The following DOCK8 variants were observed in gnomAD, a reference collection of about 807,000 sequenced individuals.
DOCK8 encodes dedicator of cytokinesis protein 8.
DOCK8 carries 141 observed loss-of-function variants against 245.6 expected under a neutral mutation model. That is an observed-to-expected ratio of 0.57 (90% confidence interval 0.50 to 0.66). The LOEUF (loss-of-function observed/expected upper bound fraction) is 0.66, where lower values mean the gene tolerates loss of function less well. Among genes scored for constraint, DOCK8 ranks in the 30% least tolerant of loss-of-function variants. The pLI, the probability that DOCK8 is intolerant of heterozygous loss-of-function variation, is 0.00. For missense variants in DOCK8, 2,965 were observed against 2,603.4 expected (o/e 1.14, Z -3.02); for synonymous variants, 1,168 against 970.2 (o/e 1.20, Z -3.79).
At chr9:346,193 G>A (rs568381200) in intron 14 of DOCK8, among the ~76,000 whole-genome samples, 83 of 152,194 alleles carry the variant, frequency 5.5e-4, no homozygotes, top group Middle Eastern at 3.4e-3. Context: ...AGGATTATCC[G>A]AATCCAAGCT....
At chr9:299,678 G>C (rs897763872) in intron 4 of DOCK8, among the ~76,000 whole-genome samples, 1 of 151,614 alleles carries the variant, frequency 6.6e-6, no homozygotes, top group Non-Finnish European at 1.5e-5. Flanking sequence ...CCCAGCCCTA[G>C]CAATATAGGT....
intron 1 of DOCK8, among the ~76,000 whole-genome samples, chr9:218,244 T>A (rs1052270987): frequency 1.4e-4 from 22 of 152,164 alleles, no homozygotes; most frequent in Admixed American, 1.4e-3. Flanking sequence ...GTGTAAACTA[T>A]CTCTTAAAAA....
intron 20 of DOCK8, among the ~76,000 whole-genome samples, chr9:377,414 G>C (rs545634837): frequency 2.1e-4 from 32 of 152,136 alleles, no homozygotes; most frequent in South Asian, 4.2e-4. Flanking sequence ...ATTAAAATAG[G>C]GTTCTTAATA....
At chr9:326,190 G>C (rs181476893) in intron 8 of DOCK8, among the ~76,000 whole-genome samples, 1 of 152,322 alleles carries the variant, frequency 6.6e-6, no homozygotes, top group Admixed American at 6.5e-5. Context: ...AATGAAAACA[G>C]TGACCAAGAC....
At chr9:259,317 T>A (rs1242994490) in intron 1 of DOCK8, among the ~76,000 whole-genome samples, 1 of 152,090 alleles carries the variant, frequency 6.6e-6, no homozygotes, top group African/African-American at 2.4e-5. Context: ...AGAAAAAAAA[T>A]TCTATTTTCC....
intron 1 of DOCK8, among the ~76,000 whole-genome samples, chr9:253,653 G>A (rs1056097797): frequency 4.6e-5 from 7 of 152,182 alleles, no homozygotes; most frequent in African/African-American, 9.7e-5. Flanking sequence ...TTCTTGTGGG[G>A]AATACCTTGC....
chr9:330,239 GAA>G (rs1038953682), intron 9 of DOCK8, among the ~76,000 whole-genome samples: 35 of 152,284 alleles, frequency 2.3e-4, no homozygotes, highest in African/African-American at 8.2e-4. Flanking sequence ...ATCAAGGAAA[GAA>G]GAGTGAAAAT....
intron 30 of DOCK8, 22 bp downstream of exon 30, chr9:418,229 T>G: frequency 1.2e-6 from 2 of 1,613,992 alleles, no homozygotes; most frequent in Non-Finnish European, 1.7e-6. Flanking sequence ...CACATGTGTC[T>G]GGTTGATTTT....
rs778731074 is a variant in DOCK8, at chr9:376,310, G to A, written c.2205+5G>A. 14 of 1,588,314 alleles carry A rather than the reference G, an allele frequency of 8.8e-6. No individual in the cohort carries two copies. The South Asian group carries it at 1.5e-4, about 18-fold the overall frequency. ...GTTTCTTCTGTACACACCCAGGTAA[G>A]GAATGTCAAGGTTAATCATGAAGGT... On this transcript the variant is annotated splice_donor_5th_base_variant and intron_variant, in intron 19 of 47. Transcript: ENST00000432829.
At chr9:389,765 C>G (rs2054104220) in intron 23 of DOCK8, among the ~76,000 whole-genome samples, 1 of 152,128 alleles carries the variant, frequency 6.6e-6, no homozygotes, top group East Asian at 1.9e-4. Context: ...CCCGTAATCC[C>G]AGCACTTTGG....
chr9:402,014 G>A (rs2055134838), intron 26 of DOCK8, among the ~76,000 whole-genome samples: 1 of 152,144 alleles, frequency 6.6e-6, no homozygotes, highest in African/African-American at 2.4e-5. Context: ...TCCCTCTTCA[G>A]TATTTAGGAT....
intron 4 of DOCK8, among the ~76,000 whole-genome samples, chr9:301,911 C>A (rs1586642534): frequency 6.6e-6 from 1 of 151,984 alleles, no homozygotes; most frequent in Non-Finnish European, 1.5e-5. Context: ...ATTAAAACAG[C>A]CATAGTGCCC....
chr9:325,648 A>C, intron 7 of DOCK8, 23 bp from the exon 8 acceptor site: 2 of 1,608,688 alleles, frequency 1.2e-6, no homozygotes, highest in African/African-American at 2.7e-5. Context: ...AGCCACATAG[A>C]TTTTCCTCTC....
In DOCK8 at chr9:418,188, G is replaced by T. The variant is rs1310253664; in HGVS notation, c.3821G>T (p.Gly1274Val). The change falls in exon 30 of 48, where the codon GGA becomes GTA. Residue 1274 changes from glycine to valine, a missense_variant. By Grantham distance (109) the Gly-to-Val change is moderately radical. This residue lies in a region of DOCK8 where 2,825 missense variants were observed against 2,453.5 expected (regional missense o/e 1.15). Transcript: ENST00000432829. Reference protein sequence around the residue: ...AGNNFNLKTSGIVLSSLPYKQ... With the variant: ...AGNNFNLKTSVIVLSSLPYKQ... ...AATAATTTCAATTTGAAAACAAGTG[G>T]AATAGTGCTGTCTTCCTTGGTATGT... The T allele has an allele frequency of 6.2e-7, 1 of 1,614,096 alleles. No homozygotes were observed. The highest frequency in any genetic ancestry group is 8.5e-7 in the Non-Finnish European group (1 of 1,180,028).
chr9:400,039 ACCACCT>A (rs1396484991), intron 26 of DOCK8, among the ~76,000 whole-genome samples: 1 of 115,982 alleles, frequency 8.6e-6, no homozygotes, highest in Admixed American at 8.6e-5. Flanking sequence ...CATCACCACC[ACCACCT>A]CCACCATCAC....
intron 26 of DOCK8, among the ~76,000 whole-genome samples, chr9:402,844 C>T (rs758643726): frequency 2.2e-4 from 33 of 152,268 alleles, no homozygotes; most frequent in Non-Finnish European, 4.0e-4. Flanking sequence ...TTTTGGAATG[C>T]ACCTTACTCC....
At chr9:433,461 C>G (rs942818609) in intron 37 of DOCK8, among the ~76,000 whole-genome samples, 3 of 152,162 alleles carry the variant, frequency 2.0e-5, no homozygotes, top group African/African-American at 7.2e-5. Flanking sequence ...TCTCTGAAGC[C>G]CTGGGAAGAT....
chr9:375,523 C>G (rs1772259659), intron 18 of DOCK8, among the ~76,000 whole-genome samples: 1 of 152,144 alleles, frequency 6.6e-6, no homozygotes, highest in Non-Finnish European at 1.5e-5. Context: ...ATACTTTGTC[C>G]TGACAATTCT....
intron 23 of DOCK8, 70 bp downstream of exon 23, chr9:386,496 G>A: frequency 7.2e-7 from 1 of 1,379,366 alleles, no homozygotes; most frequent in Non-Finnish European, 1.0e-6. Flanking sequence ...CCCTCACACT[G>A]TGCTTGGGAA....
Sources: gnomAD v4.1 joint callset for allele counts (sites outside exome capture counted in the v4.1 genomes callset) on GRCh38, gnomAD v4.1.1 for gene constraint, gnomAD v4.1.1 regional missense constraint, MANE v1.5 for transcripts, NCBI Gene and HGNC (gene_info 2026-07-23, HGNC 2026-07-21) for gene names.